SPOCK3: variants seen among roughly 807,000 people sequenced by gnomAD.
SPOCK3 encodes SPARC (osteonectin), cwcv and kazal like domains proteoglycan 3.
A neutral mutation model predicts 56.6 loss-of-function variants in SPOCK3; 30 were observed. That is an observed-to-expected ratio of 0.53 (90% CI 0.40 to 0.72). SPOCK3 has a LOEUF of 0.72. SPOCK3 is among the 30% of genes least tolerant of loss of function. The probability of loss-of-function intolerance (pLI) is 0.00; values close to 1 mark genes in which losing one functional copy is unlikely to be tolerated. For synonymous variants in SPOCK3, 196 were observed against 183.3 expected (o/e 1.07, Z -0.56); for missense variants, 527 against 530.0 (o/e 0.99, Z 0.06).
chr4:167,028,431 T>C (rs1349334560), intron 3 of SPOCK3, among the ~76,000 whole-genome samples: 7 of 151,894 alleles, frequency 4.6e-5, no homozygotes, highest in African/African-American at 9.7e-5. Flanking sequence ...ATGTGTACTA[T>C]TGAAATGAAA....
intron 2 of SPOCK3, among the ~76,000 whole-genome samples, chr4:167,158,854 TTTTTA>T (rs1351066362): frequency 2.6e-5 from 4 of 152,026 alleles, no homozygotes; most frequent in Non-Finnish European, 4.4e-5. Context: ...CATCAAAATA[TTTTTA>T]TTTTGTTTAT....
At chr4:167,021,186 C>T (rs1751136672) in intron 3 of SPOCK3, among the ~76,000 whole-genome samples, 1 of 151,870 alleles carries the variant, frequency 6.6e-6, no homozygotes, top group Admixed American at 6.6e-5. Context: ...AATGTTTCTT[C>T]CAAAGATATT....
chr4:166,980,169 T>C (rs1282971064), intron 4 of SPOCK3, among the ~76,000 whole-genome samples: 1 of 152,258 alleles, frequency 6.6e-6, no homozygotes, highest in African/African-American at 2.4e-5. Flanking sequence ...ATACTGTATT[T>C]ATATGTCTAT....
At chr4:166,849,996 G>A (rs1748508183) in intron 6 of SPOCK3, among the ~76,000 whole-genome samples, 2 of 151,880 alleles carry the variant, frequency 1.3e-5, no homozygotes, top group African/African-American at 2.4e-5. Context: ...ATGGACACCT[G>A]GATTGCTTCC....
intron 2 of SPOCK3, among the ~76,000 whole-genome samples, chr4:167,067,488 G>T (rs984247340): frequency 6.6e-6 from 1 of 151,754 alleles, no homozygotes; most frequent in Non-Finnish European, 1.5e-5. Context: ...GTTACTCTAT[G>T]CCCATATTCT....
intron 7 of SPOCK3, among the ~76,000 whole-genome samples, chr4:166,774,721 TG>T (rs1388983910): frequency 6.6e-6 from 1 of 152,200 alleles, no homozygotes; most frequent in Non-Finnish European, 1.5e-5. Flanking sequence ...TCTGCTTGTC[TG>T]GGAACACATA....
intron 3 of SPOCK3, among the ~76,000 whole-genome samples, chr4:167,027,538 G>A (rs1293178930): frequency 5.9e-5 from 9 of 151,876 alleles, no homozygotes; most frequent in Non-Finnish European, 4.4e-5. Context: ...TAGGGGTGGG[G>A]AAATCAACCC....
chr4:167,033,827 A>T lies in SPOCK3; in HGVS notation c.235+28665T>A, dbSNP rs1198114807. ...ATTTACTAGATGAAGGCACTTCTCC[A>T]TTTGAATTTACTAGATTAAGGCAGC... On this transcript the variant is annotated intron_variant, in intron 3 of 10. Coordinates refer to ENST00000357545, the MANE Select transcript of SPOCK3 (RefSeq NM_001040159.2). 3.9e-5 allele frequency among the ~76,000 whole-genome samples: 6 copies of T among 152,052 alleles called. 1 individual carries two copies.
In SPOCK3 at chr4:167,068,932, T is replaced by C. The variant is rs536648722; in HGVS notation, c.190-6395A>G. On this transcript the variant is annotated intron_variant, in intron 2 of 10. Transcript: ENST00000357545. ...TGTTGCTAGTGAGAAGTCTTCATGG[T>C]GAACCTAACTTATAAACATGTTGAT... is the stretch of plus-strand genomic sequence containing the variant. Among the ~76,000 whole-genome samples the C allele has an allele frequency of 2.0e-5, 3 of 152,010 alleles. No individual in the cohort carries two copies. In the South Asian group the frequency reaches 6.2e-4, roughly 32 times the overall value.
chr4:166,842,226 A>G (rs1328163490), intron 6 of SPOCK3, among the ~76,000 whole-genome samples: 2 of 152,216 alleles, frequency 1.3e-5, no homozygotes, highest in African/African-American at 4.8e-5. Context: ...ACGGTGAGGA[A>G]GAGGACTTCA....
intron 3 of SPOCK3, among the ~76,000 whole-genome samples, chr4:167,026,951 G>T (rs1238476298): frequency 6.6e-6 from 1 of 151,090 alleles, no homozygotes; most frequent in Non-Finnish European, 1.5e-5. Flanking sequence ...GGTTTGTGCA[G>T]AATTTTCTAT....
At chr4:167,180,949 G>A (rs1034597226) in intron 2 of SPOCK3, among the ~76,000 whole-genome samples, 2 of 152,086 alleles carry the variant, frequency 1.3e-5, no homozygotes, top group Non-Finnish European at 2.9e-5. Flanking sequence ...TTATTTGGGT[G>A]TTATTTAAAT....
chr4:167,205,550 AAT>A (rs1419780889), intron 2 of SPOCK3, among the ~76,000 whole-genome samples: 4 of 58,700 alleles, frequency 6.8e-5, no homozygotes, highest in African/African-American at 8.7e-5. Context: ...TATATTATAT[AAT>A]ATATAATATA....
At chr4:167,232,786 A>C (rs1260547863) in intron 2 of SPOCK3, among the ~76,000 whole-genome samples, 1 of 152,152 alleles carries the variant, frequency 6.6e-6, no homozygotes, top group African/African-American at 2.4e-5. Flanking sequence ...TAAAGTAAAA[A>C]TTTGTGTTTC....
chr4:166,889,676 G>A (rs1579549307), intron 5 of SPOCK3, among the ~76,000 whole-genome samples: 2 of 151,942 alleles, frequency 1.3e-5, no homozygotes, highest in East Asian at 3.9e-4. Context: ...CTAAGTTTTG[G>A]CTACAGAGAC....
At chr4:167,065,532 T>C (rs568007460) in intron 2 of SPOCK3, among the ~76,000 whole-genome samples, 1 of 151,958 alleles carries the variant, frequency 6.6e-6, no homozygotes, top group South Asian at 2.1e-4. Context: ...TTTTCCTGGT[T>C]ATGTCAAGGG....
chr4:167,233,053 TTCC>T (rs1400411119), intron 2 of SPOCK3, among the ~76,000 whole-genome samples: 2 of 152,166 alleles, frequency 1.3e-5, no homozygotes, highest in African/African-American at 4.8e-5. Flanking sequence ...AGTTCAGGCC[TTCC>T]GCGTTTTAAA....
chr4:166,868,738 T>C (rs558976646), intron 6 of SPOCK3, among the ~76,000 whole-genome samples: 2 of 152,266 alleles, frequency 1.3e-5, no homozygotes, highest in African/African-American at 4.8e-5. Flanking sequence ...TATAATTTTC[T>C]TCACTTAATC....
At chr4:167,034,639 T>C (rs1327129914) in intron 3 of SPOCK3, among the ~76,000 whole-genome samples, 1 of 152,140 alleles carries the variant, frequency 6.6e-6, no homozygotes, top group Non-Finnish European at 1.5e-5. Context: ...AGCAAACTTT[T>C]AATCCAGATA....
Sources: gnomAD v4.1 joint callset for allele counts (sites outside exome capture counted in the v4.1 genomes callset) on GRCh38, gnomAD v4.1.1 for gene constraint, MANE v1.5 for transcripts, NCBI Gene and HGNC (gene_info 2026-07-23, HGNC 2026-07-21) for gene names.